Variants in ARHGEF28 observed in about 807,000 individuals in gnomAD.
ARHGEF28 encodes 190 kDa guanine nucleotide exchange factor.
A neutral mutation model predicts 206.6 loss-of-function variants in ARHGEF28; 152 were observed. The observed-to-expected ratio is 0.74, with a 90% CI of 0.64 to 0.84. The LOEUF (loss-of-function observed/expected upper bound fraction) is 0.84, where lower values mean the gene tolerates loss of function less well. ARHGEF28 is among the 40% of genes least tolerant of loss of function. The pLI is 0.00. For missense variants in ARHGEF28, 2,028 were observed against 2,073.2 expected (o/e 0.98, Z 0.42); for synonymous variants, 763 against 776.4 (o/e 0.98, Z 0.29).
intron 2 of ARHGEF28, among the ~76,000 whole-genome samples, chr5:73,690,471 G>A (rs1747742857): frequency 6.9e-6 from 1 of 145,398 alleles, no homozygotes; most frequent in Non-Finnish European, 1.5e-5. Context: ...ACTTTGAGAG[G>A]CTGCTTAGTC....
At chr5:73,905,916 A>G (rs1400162105) in intron 33 of ARHGEF28, among the ~76,000 whole-genome samples, 1 of 152,110 alleles carries the variant, frequency 6.6e-6, no homozygotes, top group African/African-American at 2.4e-5. Flanking sequence ...TTTTATTTGT[A>G]CTTCTTTGAT....
intron 2 of ARHGEF28, 85 bp from the exon 3 acceptor site, chr5:73,749,752 G>A: frequency 6.7e-7 from 1 of 1,490,810 alleles, no homozygotes; most frequent in African/African-American, 1.4e-5. Flanking sequence ...AAATGACACT[G>A]TTATGGACCC....
At position 73,920,433 on chromosome 5, in the gene ARHGEF28, C is replaced by CT. The variant is rs113858012; in HGVS notation, c.4948+8866dup. ...CTTTTTGTTCAGTTCTAGAGATCATCTTTTTTTTATTTTACTTTAAGTTCT... is the reference window on the plus strand; with the variant it reads ...CTTTTTGTTCAGTTCTAGAGATCATCTTTTTTTTTATTTTACTTTAAGTTCT... On this transcript the variant is annotated intron_variant, in intron 35 of 35. Coordinates refer to ENST00000513042, the MANE Select transcript of ARHGEF28 (RefSeq NM_001177693.2). 5.3e-5 allele frequency among the ~76,000 whole-genome samples: 8 copies of CT among 150,412 alleles called. No individual in the cohort carries two copies. The East Asian group carries it at 5.9e-4, about 11-fold the overall frequency.
At chr5:73,924,404 A>G (rs1031613727) in intron 35 of ARHGEF28, among the ~76,000 whole-genome samples, 4 of 152,164 alleles carry the variant, frequency 2.6e-5, no homozygotes, top group African/African-American at 9.7e-5. Context: ...CTACAGTTGG[A>G]TTTCTGATAG....
At position 73,941,774 on chromosome 5, in the gene ARHGEF28, C is replaced by T. The variant is rs1742641550; in HGVS notation, c.*761C>T. 6.6e-6 allele frequency: 1 copy of T among 152,164 alleles called. No homozygotes were observed. Among genetic ancestry groups the T allele is most frequent in the Non-Finnish European group, 1.5e-5 (1 of 68,072 alleles). 9.4% of individuals were successfully genotyped at this position (152,164 alleles called of 1,614,324 possible). ...CTGCCAGCACCTGGAGCACCAACTA[C>T]CACTCCCTGGAAAGAACCCTTCCCT... On this transcript the variant is annotated 3_prime_UTR_variant, in exon 36 of 36. Coordinates refer to ENST00000513042, the MANE Select transcript of ARHGEF28 (RefSeq NM_001177693.2).
chr5:73,639,890 T>C (rs909094466), intron 1 of ARHGEF28, among the ~76,000 whole-genome samples: 4 of 152,206 alleles, frequency 2.6e-5, no homozygotes, highest in African/African-American at 9.6e-5. Flanking sequence ...AATAACAAAT[T>C]GTATAAAAAT....
At chr5:73,890,778 C>CACA (rs1383840954) in intron 26 of ARHGEF28, among the ~76,000 whole-genome samples, 2 of 152,246 alleles carry the variant, frequency 1.3e-5, no homozygotes, top group East Asian at 3.8e-4. Context: ...AGCAAAACCA[C>CACA]ACACTGCAAC....
At chr5:73,803,014 A>C (rs1755234823) in intron 9 of ARHGEF28, among the ~76,000 whole-genome samples, 1 of 152,006 alleles carries the variant, frequency 6.6e-6, no homozygotes, top group South Asian at 2.1e-4. Flanking sequence ...TATGCCAGGC[A>C]GCACAAGTTC....
intron 1 of ARHGEF28, among the ~76,000 whole-genome samples, chr5:73,630,569 GT>G (rs1743306567): frequency 6.6e-6 from 1 of 152,188 alleles, no homozygotes; most frequent in African/African-American, 2.4e-5. Context: ...AGGGTAGCAG[GT>G]TTTTCAGCTT....
chr5:73,711,582 C>A (rs1357466190), intron 2 of ARHGEF28, among the ~76,000 whole-genome samples: 2 of 152,056 alleles, frequency 1.3e-5, no homozygotes, highest in Non-Finnish European at 2.9e-5. Context: ...ATTTTTGGTG[C>A]TATCATGATG....
chr5:73,916,176 T>C (rs1233820644), intron 35 of ARHGEF28, among the ~76,000 whole-genome samples: 1 of 152,204 alleles, frequency 6.6e-6, no homozygotes, highest in Non-Finnish European at 1.5e-5. Flanking sequence ...TAAATAAGTC[T>C]TAAGAAGTGA....
chr5:73,934,272 G>C (rs1388106612), intron 35 of ARHGEF28, among the ~76,000 whole-genome samples: 1 of 152,130 alleles, frequency 6.6e-6, no homozygotes, highest in Non-Finnish European at 1.5e-5. Context: ...ATACAGATTT[G>C]ATTAGATGCA....
intron 4 of ARHGEF28, among the ~76,000 whole-genome samples, chr5:73,767,325 G>T (rs772608617): frequency 6.6e-6 from 1 of 152,084 alleles, no homozygotes; most frequent in Non-Finnish European, 1.5e-5. Flanking sequence ...AACAGGCAGG[G>T]GTTGGAACAA....
rs1430181443 is a variant in ARHGEF28, at chr5:73,846,476, G to T, written c.1635+1G>T. On this transcript the variant is annotated splice_donor_variant, in intron 12 of 35. Transcript: ENST00000513042. LOFTEE classifies it high-confidence loss of function. Reference sequence around the variant, plus strand: ...TCTATCAAGTAATCTACAGTCGAAGGTATTCTTATTGCTATTAATTTGGTA... The same window carrying T: ...TCTATCAAGTAATCTACAGTCGAAGTTATTCTTATTGCTATTAATTTGGTA... 1.9e-6 allele frequency: 3 copies of T among 1,611,902 alleles called. No homozygotes were observed. Among genetic ancestry groups the T allele is most frequent in the Admixed American group, 3.3e-5 (2 of 59,986 alleles).
intron 1 of ARHGEF28, among the ~76,000 whole-genome samples, chr5:73,653,110 A>G (rs6881183): frequency 0.03 from 4,565 of 152,284 alleles, 255 homozygotes; most frequent in African/African-American, 0.1. Context: ...AGGTTAAACA[A>G]CTTGCCCAGC....
intron 4 of ARHGEF28, among the ~76,000 whole-genome samples, chr5:73,764,721 C>T (rs766066022): frequency 8.5e-5 from 13 of 152,166 alleles, no homozygotes; most frequent in South Asian, 4.1e-4. Flanking sequence ...GTTGGTCTTG[C>T]GCTCTGTGGA....
chr5:73,680,298 G>T (rs1176921845), intron 1 of ARHGEF28, among the ~76,000 whole-genome samples: 1 of 151,750 alleles, frequency 6.6e-6, no homozygotes, highest in Non-Finnish European at 1.5e-5. Flanking sequence ...AGCTGGGCGT[G>T]GTGGTGGGCA....
chr5:73,654,838 T>A (rs1745080075), intron 1 of ARHGEF28, among the ~76,000 whole-genome samples: 1 of 152,140 alleles, frequency 6.6e-6, no homozygotes, highest in Non-Finnish European at 1.5e-5. Flanking sequence ...TTTTCTGAAA[T>A]GAAAAGTCAA....
At chr5:73,768,844 C>T (rs1753056245) in intron 4 of ARHGEF28, among the ~76,000 whole-genome samples, 1 of 151,942 alleles carries the variant, frequency 6.6e-6, no homozygotes, top group Non-Finnish European at 1.5e-5. Flanking sequence ...ATTATAACTC[C>T]CACAATTCCC....
Sources: gnomAD v4.1 joint callset for allele counts (sites outside exome capture counted in the v4.1 genomes callset) on GRCh38, gnomAD v4.1.1 for gene constraint, MANE v1.5 for transcripts, NCBI Gene and HGNC (gene_info 2026-07-23, HGNC 2026-07-21) for gene names.